The following SFXN5 variants were observed in gnomAD, a reference collection of about 807,000 sequenced individuals.
The protein encoded by SFXN5 is sideroflexin-5.
A neutral mutation model predicts 50.2 loss-of-function variants in SFXN5; 43 were observed. That is an observed-to-expected ratio of 0.86 (90% confidence interval 0.67 to 1.11). The LOEUF (loss-of-function observed/expected upper bound fraction) is 1.11, where lower values mean the gene tolerates loss of function less well. Among genes scored for constraint, SFXN5 ranks in the 50% least tolerant of loss-of-function variants. The pLI, the probability that SFXN5 is intolerant of heterozygous loss-of-function variation, is 0.00. For synonymous variants in SFXN5, 203 were observed against 185.8 expected (o/e 1.09, Z -0.75); for missense variants, 463 against 454.1 (o/e 1.02, Z -0.18).
intron 1 of SFXN5, chr2:73,059,995 T>G: frequency 2.0e-6 from 1 of 501,572 alleles, no homozygotes; most frequent in Non-Finnish European, 2.6e-6. Flanking sequence ...TTTCAAACAT[T>G]TATGACATGG....
At chr2:72,964,492 G>A (rs748847245) in intron 12 of SFXN5, among the ~76,000 whole-genome samples, 1 of 152,242 alleles carries the variant, frequency 6.6e-6, no homozygotes, top group Non-Finnish European at 1.5e-5. Flanking sequence ...GGGAAACTGA[G>A]GCTGAGGGAG....
chr2:73,066,037 G>A lies in SFXN5; in HGVS notation c.102+5567C>T, dbSNP rs112857735. ...AAAGGAAGCAAAGCAGGTCTCAGAG[G>A]TTCCCTGGGTGCTGTGCTGTCATCT... On this transcript the variant is annotated intron_variant, in intron 1 of 13. Transcript: ENST00000272433. Among the ~76,000 whole-genome samples, 950 of 152,312 alleles carry A rather than the reference G, an allele frequency of 6.2e-3. 13 individuals are homozygous for A. Among genetic ancestry groups the A allele is most frequent in the African/African-American group, 0.02 (820 of 41,562 alleles).
At chr2:73,034,288 C>T (rs1019350729) in intron 3 of SFXN5, among the ~76,000 whole-genome samples, 2 of 152,226 alleles carry the variant, frequency 1.3e-5, no homozygotes, top group Admixed American at 6.5e-5. Context: ...GAGCTTGATG[C>T]TAGGAGTCAG....
chr2:73,050,392 G>GCGCACACACACACACACACA (rs138589339), intron 2 of SFXN5, among the ~76,000 whole-genome samples: 2 of 146,508 alleles, frequency 1.4e-5, no homozygotes, highest in African/African-American at 2.6e-5. Context: ...CACAGCGCAC[G>GCGCACACACACACACACACA]CACACACACA....
chr2:72,957,212 C>T (rs1187618363), intron 13 of SFXN5: 4 of 383,068 alleles, frequency 1.0e-5, no homozygotes, highest in Non-Finnish European at 2.1e-5. Flanking sequence ...GTCTAGGAAT[C>T]ATCTCTTGAT....
rs1265089291 is a variant in SFXN5 at position 72,972,441 on chromosome 2, C to T, written c.626-756G>A. On this transcript the variant is annotated intron_variant, in intron 10 of 13. Coordinates refer to ENST00000272433, the MANE Select transcript of SFXN5 (RefSeq NM_144579.3). ...TGAGTGCCTGCCTTTGGCTAGGCCC[C>T]TCTGCCATCTGAGATCTTGGGAACC... Among the ~76,000 whole-genome samples, 3 of 152,210 alleles carry T rather than the reference C, an allele frequency of 2.0e-5. No homozygotes were observed. The East Asian group carries it at 5.8e-4, about 29-fold the overall frequency.
In SFXN5 at chr2:73,024,222, C is replaced by T. The variant is rs1424150658; in HGVS notation, c.250-1008G>A. Among the ~76,000 whole-genome samples the T allele has an allele frequency of 2.0e-5, 3 of 152,044 alleles. No homozygotes were observed. In the East Asian group the frequency reaches 5.8e-4, roughly 29 times the overall value. ...TATTTTTAGTAGAGACGGGGTTTCA[C>T]CATGTTGGTAAGGCTGGTCTTGAAC... On this transcript the variant is annotated intron_variant, in intron 3 of 13. Coordinates refer to ENST00000272433, the MANE Select transcript of SFXN5 (RefSeq NM_144579.3).
chr2:73,015,279 G>A (rs1676008259), intron 6 of SFXN5, among the ~76,000 whole-genome samples: 1 of 152,122 alleles, frequency 6.6e-6, no homozygotes, highest in Admixed American at 6.5e-5. Context: ...ATTCTCTAAT[G>A]TTATCATATT....
At chr2:72,988,386 T>C (rs1672165846) in intron 9 of SFXN5, 38 bp from the exon 10 acceptor site, 2 of 1,577,616 alleles carry the variant, frequency 1.3e-6, no homozygotes, top group Non-Finnish European at 1.7e-6. Context: ...AAAAAGTACA[T>C]GATGCTGCAG....
chr2:73,018,749 C>T (rs1177759040), intron 6 of SFXN5, among the ~76,000 whole-genome samples: 1 of 152,158 alleles, frequency 6.6e-6, no homozygotes, highest in African/African-American at 2.4e-5. Flanking sequence ...TGTAAACAAA[C>T]ATATTCATTT....
chr2:73,043,483 G>A (rs1265800064), intron 2 of SFXN5, among the ~76,000 whole-genome samples: 2 of 152,218 alleles, frequency 1.3e-5, no homozygotes, highest in Admixed American at 1.3e-4. Flanking sequence ...GTGAAACACC[G>A]TGGTGGCCAG....
chr2:72,947,903 C>T (rs542420806), intron 13 of SFXN5, among the ~76,000 whole-genome samples: 3 of 151,764 alleles, frequency 2.0e-5, no homozygotes, highest in African/African-American at 4.8e-5. Flanking sequence ...ACAGCGCCCA[C>T]GCTTAAAAAT....
chr2:73,053,594 C>T (rs943101978), intron 2 of SFXN5: 2 of 152,192 alleles, frequency 1.3e-5, no homozygotes, highest in African/African-American at 4.8e-5. Flanking sequence ...TGCCTTATTA[C>T]ACATACAAGG....
chr2:73,015,543 C>T (rs542882905), intron 6 of SFXN5, among the ~76,000 whole-genome samples: 2 of 152,002 alleles, frequency 1.3e-5, no homozygotes, highest in South Asian at 2.1e-4. Flanking sequence ...TGGTCTCAAA[C>T]TCCTGGGCTC....
intron 6 of SFXN5, among the ~76,000 whole-genome samples, chr2:73,005,828 C>T (rs1436934824): frequency 6.6e-6 from 1 of 151,804 alleles, no homozygotes; most frequent in Admixed American, 6.6e-5. Context: ...GAATAACACT[C>T]CTAATTATTA....
At chr2:72,987,692 T>A (rs1574041707) in intron 10 of SFXN5, among the ~76,000 whole-genome samples, 1 of 151,794 alleles carries the variant, frequency 6.6e-6, no homozygotes, top group East Asian at 2.0e-4. Flanking sequence ...GAGGTGGAGG[T>A]TGCAGTGAGC....
Position 72,944,923 on chromosome 2 carries a change from G to T in SFXN5, c.*99C>A. On this transcript the variant is annotated 3_prime_UTR_variant, in exon 14 of 14. Coordinates refer to ENST00000272433, the MANE Select transcript of SFXN5 (RefSeq NM_144579.3). ...TCCCAGGGGGCCCAGGACTGCTGGG[G>T]TTGGCGTGCTGCTCCCTGCAGGTGC... The T allele has an allele frequency of 2.7e-6, 3 of 1,110,740 alleles. No homozygotes were observed. The highest frequency in any genetic ancestry group is 4.0e-6 in the Non-Finnish European group (3 of 757,644). The allele number at this position is 1,110,740 out of a possible 1,614,324, so 68.8% of individuals were successfully genotyped here. A position where few individuals can be genotyped will look rare whatever the true frequency, so the allele number is the denominator to read the frequency against.
At chr2:73,040,703 A>T in intron 3 of SFXN5, 151 bp downstream of exon 3, 1 of 573,746 alleles carries the variant, frequency 1.7e-6, no homozygotes, top group Non-Finnish European at 3.0e-6. Flanking sequence ...AGATCTGAGC[A>T]TCTCCAAAGA....
At chr2:72,972,577 T>TG (rs894130837) in intron 10 of SFXN5, among the ~76,000 whole-genome samples, 42 of 152,146 alleles carry the variant, frequency 2.8e-4, no homozygotes, top group African/African-American at 1.0e-3. Flanking sequence ...TCCCCCATCC[T>TG]GGGACTCACA....
Sources: gnomAD v4.1 joint callset for allele counts (sites outside exome capture counted in the v4.1 genomes callset) on GRCh38, gnomAD v4.1.1 for gene constraint, MANE v1.5 for transcripts, NCBI Gene and HGNC (gene_info 2026-07-23, HGNC 2026-07-21) for gene names.